PCDHGA7: variants seen among roughly 807,000 people sequenced by gnomAD.
The protein encoded by PCDHGA7 is protocadherin gamma subfamily A, 7, also known as protocadherin gamma-A7.
A neutral mutation model predicts 58.3 loss-of-function variants in PCDHGA7; 44 were observed. The observed-to-expected ratio is 0.75, with a 90% CI of 0.59 to 0.97. PCDHGA7 has a LOEUF of 0.97. Ranked by LOEUF, PCDHGA7 falls within the 50% of genes least tolerant of loss-of-function variation. The pLI is 0.00. For synonymous variants in PCDHGA7, 516 were observed against 504.2 expected (o/e 1.02, Z -0.31); for missense variants, 1,266 against 1,188.7 (o/e 1.06, Z -0.96).
intron 1 of PCDHGA7, among the ~76,000 whole-genome samples, chr5:141,458,988 C>G (rs996478276): frequency 6.6e-6 from 1 of 152,208 alleles, no homozygotes; most frequent in African/African-American, 2.4e-5. Flanking sequence ...CTGCCTCACC[C>G]TCCCAAAGTG....
chr5:141,410,018 T>C (rs773806211), intron 1 of PCDHGA7: 1 of 1,613,166 alleles, frequency 6.2e-7, no homozygotes, highest in African/African-American at 1.3e-5. Context: ...CTGGCTGTCC[T>C]ACCACGTGCT....
rs1467129756 is a variant in PCDHGA7 at position 141,384,924 on chromosome 5, G to A, written c.2025G>A (p.Leu675=). The change falls in exon 1 of 4, where the codon CTG becomes CTA. Residue 675 remains leucine, a synonymous_variant. Coordinates refer to ENST00000518325, the MANE Select transcript of PCDHGA7 (RefSeq NM_018920.4). The part of the protein sequence containing the change: ...ADSIPEVLAD[L]GSLEPSDGPY... Reference sequence around the variant, plus strand: ...GCATCCCCGAAGTCTTGGCCGACCTGGGCAGCCTTGAGCCCTCCGACGGTC... The same window carrying A: ...GCATCCCCGAAGTCTTGGCCGACCTAGGCAGCCTTGAGCCCTCCGACGGTC... 1.2e-6 allele frequency: 2 copies of A among 1,613,840 alleles called. No individual in the cohort carries two copies. Among genetic ancestry groups the A allele is most frequent in the African/African-American group, 2.7e-5 (2 of 74,900 alleles).
rs2097504446 is a variant in PCDHGA7, at chr5:141,432,472, T to C, written c.2424+47149T>C. The C allele has an allele frequency of 9.9e-6, 16 of 1,614,012 alleles. No homozygotes were observed. Among genetic ancestry groups the C allele is most frequent in the Non-Finnish European group, 1.4e-5 (16 of 1,180,036 alleles). ...TGTACCCCGCCCTCCCCACGGACGG[T>C]TCCACTGGCGTGGAGCTGGCTCCCC... On this transcript the variant is annotated intron_variant, in intron 1 of 3. Transcript: ENST00000518325. This position sits in a 1 kb window ranked among gnomAD's most constrained non-coding sequence, Gnocchi z 6.0.
At chr5:141,412,273 C>T (rs1007252273) in intron 1 of PCDHGA7, 4 of 152,206 alleles carry the variant, frequency 2.6e-5, no homozygotes, top group Admixed American at 6.5e-5. Flanking sequence ...ACTTTTAGTA[C>T]TTCAAATTCT....
Position 141,490,536 on chromosome 5 carries a change from T to C in PCDHGA7, c.2425-4271T>C. ...TGCTGGCCAGCGATGCTGGTTCACCTTCCCTACACAAACATCTCACCATCA... is the reference window on the plus strand; with the variant it reads ...TGCTGGCCAGCGATGCTGGTTCACCCTCCCTACACAAACATCTCACCATCA... On this transcript the variant is annotated intron_variant, in intron 1 of 3. Transcript: ENST00000518325. The surrounding 1 kb of genome is among the most constrained non-coding windows in gnomAD (Gnocchi z 5.4). The C allele has an allele frequency of 1.9e-6, 3 of 1,614,150 alleles. No individual in the cohort carries two copies. The highest frequency in any genetic ancestry group is 2.5e-6 in the Non-Finnish European group (3 of 1,180,010).
Position 141,491,188 on chromosome 5 carries a change from G to A in PCDHGA7, c.2425-3619G>A. On this transcript the variant is annotated intron_variant, in intron 1 of 3. Transcript: ENST00000518325. This position sits in a 1 kb window ranked among gnomAD's most constrained non-coding sequence, Gnocchi z 6.9. Reference sequence around the variant, plus strand: ...CCAGCAGGTGGTGGTCCTGGTGAGGGACAATGGTGACCCTTCACTCTCCTC... The same window carrying A: ...CCAGCAGGTGGTGGTCCTGGTGAGGAACAATGGTGACCCTTCACTCTCCTC... The A allele has an allele frequency of 6.2e-7, 1 of 1,614,198 alleles. No individual in the cohort carries two copies. The highest frequency in any genetic ancestry group is 1.1e-5 in the South Asian group (1 of 91,086).
intron 1 of PCDHGA7, chr5:141,415,740 GTTTTTT>G (rs57426385): frequency 0.053 from 32,266 of 613,620 alleles, 66 homozygotes; most frequent in South Asian, 0.061. Flanking sequence ...GTTTATTAAG[GTTTTTT>G]TTTTTTTTTT....
intron 1 of PCDHGA7, 162 bp downstream of exon 1, chr5:141,385,485 A>G: frequency 7.1e-7 from 1 of 1,418,146 alleles, no homozygotes; most frequent in Admixed American, 3.0e-5. Flanking sequence ...AATATAGAAC[A>G]CATAGGATAT....
chr5:141,427,146 A>G (rs901147622), intron 1 of PCDHGA7: 10 of 456,872 alleles, frequency 2.2e-5, no homozygotes, highest in Admixed American at 7.0e-5. Context: ...TGATATTGGA[A>G]ATATGTTTGT....
chr5:141,414,066 A>G, intron 1 of PCDHGA7: 2 of 1,608,358 alleles, frequency 1.2e-6, no homozygotes, highest in African/African-American at 1.3e-5. Context: ...TGAAGTTCCA[A>G]CTAAACAAAT....
At chr5:141,457,062 T>C (rs1168687034) in intron 1 of PCDHGA7, among the ~76,000 whole-genome samples, 1 of 152,232 alleles carries the variant, frequency 6.6e-6, no homozygotes, top group Non-Finnish European at 1.5e-5. Context: ...GCTTCCTTTT[T>C]GCCAGTAACT....
At chr5:141,398,864 T>A (rs1399067876) in intron 1 of PCDHGA7, 1 of 1,613,768 alleles carries the variant, frequency 6.2e-7, no homozygotes, top group Non-Finnish European at 8.5e-7. Context: ...AACCGAGACG[T>A]GTACAGAGTC....
At chr5:141,479,862 C>T (rs2099508997) in intron 1 of PCDHGA7, among the ~76,000 whole-genome samples, 1 of 152,170 alleles carries the variant, frequency 6.6e-6, no homozygotes, top group Non-Finnish European at 1.5e-5. Flanking sequence ...GGCCTTTGCC[C>T]TGGAGAGAAC....
intron 1 of PCDHGA7, chr5:141,405,210 A>G (rs752645800): frequency 1.2e-6 from 2 of 1,613,994 alleles, no homozygotes; most frequent in South Asian, 1.1e-5. Context: ...CTACAGACCT[A>G]TTCTCAGGAG....
chr5:141,433,987 T>C (rs1332689630), intron 1 of PCDHGA7, among the ~76,000 whole-genome samples: 1 of 152,252 alleles, frequency 6.6e-6, no homozygotes, highest in Non-Finnish European at 1.5e-5. Context: ...GAAGAAGAGT[T>C]TTATATTCTC....
At chr5:141,414,564 C>G in intron 1 of PCDHGA7, 1 of 1,613,948 alleles carries the variant, frequency 6.2e-7, no homozygotes, top group East Asian at 2.2e-5. Context: ...CCTACTTTAC[C>G]TATATCCCAG....
rs1456451105 is a variant in PCDHGA7 at position 141,477,377 on chromosome 5, C to T, written c.2425-17430C>T. Reference sequence around the variant, plus strand: ...TGCAGACCTGGATCGGGAGACTGTGCCAGAATACAACCTCAGCATCACCGC... The same window carrying T: ...TGCAGACCTGGATCGGGAGACTGTGTCAGAATACAACCTCAGCATCACCGC... On this transcript the variant is annotated intron_variant, in intron 1 of 3. Coordinates refer to ENST00000518325, the MANE Select transcript of PCDHGA7 (RefSeq NM_018920.4). This position sits in a 1 kb window ranked among gnomAD's most constrained non-coding sequence, Gnocchi z 4.9. 1 of 1,614,144 alleles carries T rather than the reference C, an allele frequency of 6.2e-7. No homozygotes were observed. Among genetic ancestry groups the T allele is most frequent in the South Asian group, 1.1e-5 (1 of 91,080 alleles).
intron 1 of PCDHGA7, chr5:141,430,641 T>G: frequency 1.1e-6 from 1 of 902,670 alleles, no homozygotes. Context: ...TCCCTGGGAG[T>G]ATGTGGAAAC....
intron 1 of PCDHGA7, among the ~76,000 whole-genome samples, chr5:141,462,941 G>A (rs1667222225): frequency 6.6e-6 from 1 of 152,158 alleles, no homozygotes; most frequent in Non-Finnish European, 1.5e-5. Flanking sequence ...TTCAAGGCTT[G>A]TTTTTAAGCT....
Sources: gnomAD v4.1 joint callset for allele counts (sites outside exome capture counted in the v4.1 genomes callset) on GRCh38, gnomAD v4.1.1 for gene constraint, Gnocchi (gnomAD v3.1) non-coding constraint, MANE v1.5 for transcripts, NCBI Gene and HGNC (gene_info 2026-07-23, HGNC 2026-07-21) for gene names.